TSPAN9: variants seen among roughly 807,000 people sequenced by gnomAD.
The protein encoded by TSPAN9 is tetraspanin 9, also known as tetraspanin-9.
In TSPAN9, 16 loss-of-function variants were observed where a neutral mutation model predicts 31.0. The observed-to-expected ratio is 0.52, with a 90% CI of 0.35 to 0.78. The LOEUF (loss-of-function observed/expected upper bound fraction) is 0.78. Among genes scored for constraint, TSPAN9 ranks in the 30% least tolerant of loss-of-function variants. TSPAN9 has a pLI of 0.01. For synonymous variants in TSPAN9, 145 were observed against 121.6 expected (o/e 1.19, Z -1.27); for missense variants, 272 against 312.5 (o/e 0.87, Z 0.98).
intron 3 of TSPAN9, among the ~76,000 whole-genome samples, chr12:3,266,660 G>A (rs1482701407): frequency 2.0e-5 from 3 of 152,224 alleles, no homozygotes; most frequent in African/African-American, 7.2e-5. Flanking sequence ...ACGGGGCAGG[G>A]AGGGATCTCA....
rs766118098 is a variant in TSPAN9, at chr12:3,192,036, C to T, written c.-17-9141C>T. ...AGGAAGAGCATCCAAGCAGAGGGAA[C>T]AGCATGGGCGGAGGCTCTGAGGAGG... On this transcript the variant is annotated intron_variant, in intron 2 of 8. Coordinates refer to ENST00000011898, the MANE Select transcript of TSPAN9 (RefSeq NM_006675.5). The surrounding 1 kb of genome is among the most constrained non-coding windows in gnomAD (Gnocchi z 4.6). 3.3e-5 allele frequency among the ~76,000 whole-genome samples: 5 copies of T among 152,084 alleles called. No individual in the cohort carries two copies. The highest frequency in any genetic ancestry group is 6.5e-5 in the Admixed American group (1 of 15,270).
chr12:3,118,255 C>CATTTTTTTTTTTTTTT (rs2098323349), intron 2 of TSPAN9, among the ~76,000 whole-genome samples: 1 of 20,116 alleles, frequency 5.0e-5, no homozygotes, highest in Admixed American at 8.7e-4. Flanking sequence ...CTGCACCCGC[C>CATTTTTTTTTTTTTTT]GTTTTTTTTT....
At chr12:3,202,810 T>C (rs538782386) in intron 3 of TSPAN9, among the ~76,000 whole-genome samples, 11 of 152,270 alleles carry the variant, frequency 7.2e-5, no homozygotes, top group African/African-American at 2.6e-4. Flanking sequence ...AAGTTACCTG[T>C]CATGTGCCTA....
chr12:3,119,858 A>G (rs1420518353), intron 2 of TSPAN9, among the ~76,000 whole-genome samples: 2 of 152,140 alleles, frequency 1.3e-5, no homozygotes, highest in Admixed American at 6.5e-5. Context: ...CAGGAGGGGA[A>G]GTACGGTGCC....
At chr12:3,239,032 T>C (rs913508340) in intron 3 of TSPAN9, among the ~76,000 whole-genome samples, 3 of 152,218 alleles carry the variant, frequency 2.0e-5, no homozygotes, top group Non-Finnish European at 4.4e-5. Flanking sequence ...GCGTTAGACC[T>C]GAGGGTGCCC....
intron 2 of TSPAN9, among the ~76,000 whole-genome samples, chr12:3,087,185 G>A (rs1344771959): frequency 6.6e-6 from 1 of 152,188 alleles, no homozygotes; most frequent in Non-Finnish European, 1.5e-5. Context: ...ACTCTGCATT[G>A]TTTTGGCACT....
intron 2 of TSPAN9, among the ~76,000 whole-genome samples, chr12:3,184,888 G>T (rs1357797709): frequency 2.0e-5 from 3 of 152,210 alleles, no homozygotes; most frequent in Non-Finnish European, 2.9e-5. Flanking sequence ...AGTTCACAGG[G>T]AATGCAGTGT....
intron 2 of TSPAN9, among the ~76,000 whole-genome samples, chr12:3,160,247 G>A (rs1469827888): frequency 6.6e-6 from 1 of 152,134 alleles, no homozygotes; most frequent in Non-Finnish European, 1.5e-5. Context: ...GGTTTTCAGG[G>A]TTCATCCATG....
intron 3 of TSPAN9, among the ~76,000 whole-genome samples, chr12:3,225,264 C>G (rs2098386581): frequency 6.6e-6 from 1 of 152,112 alleles, no homozygotes; most frequent in Admixed American, 6.5e-5. Flanking sequence ...CGAGGCCTGG[C>G]TTTTTCTCCT....
chr12:3,157,866 C>T (rs2098343058), intron 2 of TSPAN9, among the ~76,000 whole-genome samples: 1 of 152,192 alleles, frequency 6.6e-6, no homozygotes, highest in Non-Finnish European at 1.5e-5. Flanking sequence ...TGTGCCTGGC[C>T]TCAGACATGA....
intron 3 of TSPAN9, among the ~76,000 whole-genome samples, chr12:3,249,082 A>G (rs765810218): frequency 1.3e-5 from 2 of 152,166 alleles, no homozygotes; most frequent in African/African-American, 2.4e-5. Context: ...CTCTTAGTTC[A>G]TTCGATACAG....
chr12:3,281,887 G>A (rs764891020), intron 8 of TSPAN9, 70 bp downstream of exon 8: 2 of 1,541,368 alleles, frequency 1.3e-6, no homozygotes, highest in Admixed American at 1.8e-5. Context: ...GAAGCACAGA[G>A]AAGTGAAAGC....
chr12:3,107,602 TGG>T lies in TSPAN9; in HGVS notation c.-18+23886_-18+23887del, dbSNP rs2098315334. On this transcript the variant is annotated intron_variant, in intron 2 of 8. Coordinates refer to ENST00000011898, the MANE Select transcript of TSPAN9 (RefSeq NM_006675.5). The surrounding 1 kb of genome is among the most constrained non-coding windows in gnomAD (Gnocchi z 4.1). ...TTAGGTCTGGCTTTCCCTTTCTGTT[TGG>T]GGCACTGGCTTCGTGGTGGCCTCTT... is the stretch of plus-strand genomic sequence containing the variant. Among the ~76,000 whole-genome samples, 1 of 152,168 alleles carries T rather than the reference TGG, an allele frequency of 6.6e-6. No homozygotes were observed. Among genetic ancestry groups the T allele is most frequent in the Non-Finnish European group, 1.5e-5 (1 of 68,026 alleles).
chr12:3,100,699 A>G (rs560210505), intron 2 of TSPAN9, among the ~76,000 whole-genome samples: 1 of 152,302 alleles, frequency 6.6e-6, no homozygotes, highest in South Asian at 2.1e-4. Flanking sequence ...TCCTGGTGTC[A>G]TCCTTCTGCA....
chr12:3,147,759 CG>C lies in TSPAN9; in HGVS notation c.-17-53416del, dbSNP rs776248456. ...CACATGTTGCTAGTGGCTGCCACGT[CG>C]GACGGTACTGTTCTAGACCAGTAGT... is the stretch of plus-strand genomic sequence containing the variant. On this transcript the variant is annotated intron_variant, in intron 2 of 8. Coordinates refer to ENST00000011898, the MANE Select transcript of TSPAN9 (RefSeq NM_006675.5). This position sits in a 1 kb window ranked among gnomAD's most constrained non-coding sequence, Gnocchi z 4.3. Among the ~76,000 whole-genome samples the C allele has an allele frequency of 3.9e-5, 6 of 152,190 alleles. No individual in the cohort carries two copies. Among genetic ancestry groups the C allele is most frequent in the Non-Finnish European group, 8.8e-5 (6 of 68,042 alleles).
chr12:3,150,510 A>C (rs943081280), intron 2 of TSPAN9, among the ~76,000 whole-genome samples: 1 of 152,204 alleles, frequency 6.6e-6, no homozygotes, highest in Non-Finnish European at 1.5e-5. Flanking sequence ...TCTTGTCTAC[A>C]TGCTGAGGCT....
intron 3 of TSPAN9, among the ~76,000 whole-genome samples, chr12:3,217,325 G>A (rs371705902): frequency 3.9e-5 from 6 of 152,282 alleles, no homozygotes; most frequent in Non-Finnish European, 7.4e-5. Flanking sequence ...TGCACTCTAC[G>A]TGACCGGCAA....
intron 2 of TSPAN9, among the ~76,000 whole-genome samples, chr12:3,091,022 C>T (rs2098304241): frequency 6.6e-6 from 1 of 152,220 alleles, no homozygotes; most frequent in Admixed American, 6.5e-5. Context: ...TGCCCTATGG[C>T]TCTGAGAGCT....
chr12:3,146,899 G>C (rs2098337519), intron 2 of TSPAN9, among the ~76,000 whole-genome samples: 1 of 151,982 alleles, frequency 6.6e-6, no homozygotes. Flanking sequence ...GCTTTTTTGG[G>C]TTTGCATTCA....
Sources: allele counts gnomAD v4.1 joint callset (sites outside exome capture counted in the v4.1 genomes callset), GRCh38; gene constraint gnomAD v4.1.1; non-coding constraint Gnocchi (gnomAD v3.1); transcripts MANE v1.5; gene names NCBI Gene and HGNC (gene_info 2026-07-23, HGNC 2026-07-21).